SLC28A1: variants seen among roughly 807,000 people sequenced by gnomAD.
SLC28A1 encodes solute carrier family 28 member 1.
SLC28A1 carries 64 observed loss-of-function variants against 74.8 expected under a neutral mutation model. That is an observed-to-expected ratio of 0.86 (90% CI 0.70 to 1.05). The LOEUF is 1.05. Among genes scored for constraint, SLC28A1 ranks in the 50% least tolerant of loss-of-function variants. The pLI, the probability that SLC28A1 is intolerant of heterozygous loss-of-function variation, is 0.00. For synonymous variants in SLC28A1, 359 were observed against 335.0 expected, an observed-to-expected ratio of 1.07 and a Z score of -0.78; for missense variants, 828 against 822.8, an observed-to-expected ratio of 1.01 and a Z score of -0.08.
intron 9 of SLC28A1, among the ~76,000 whole-genome samples, chr15:84,911,705 A>G (rs12912875): frequency 0.34 from 50,838 of 151,616 alleles, 8,758 homozygotes; most frequent in East Asian, 0.47. Flanking sequence ...CTAAAAATAC[A>G]AAAATTAGCC....
the SLC28A1 span, among the ~76,000 whole-genome samples, chr15:84,958,113 C>T: frequency 6.6e-6 from 1 of 152,062 alleles, no homozygotes; most frequent in East Asian, 1.9e-4. Flanking sequence ...TTGGATTGCC[C>T]ATTGTAGAAA....
intron 3 of SLC28A1, 67 bp from the exon 4 acceptor site, chr15:84,888,705 C>A: frequency 8.6e-7 from 1 of 1,163,258 alleles, no homozygotes; most frequent in Non-Finnish European, 1.3e-6. Context: ...GGCCCCCGAC[C>A]CCCAGCTGTA....
At chr15:84,921,565 C>A (rs1366876808) in intron 11 of SLC28A1, among the ~76,000 whole-genome samples, 1 of 152,182 alleles carries the variant, frequency 6.6e-6, no homozygotes, top group Non-Finnish European at 1.5e-5. Flanking sequence ...TTTCAGAAAG[C>A]CTGATCCCCC....
rs377349117 is a variant in SLC28A1 at position 84,933,147 on chromosome 15, C to T, written c.1086C>T (p.Ile362=). 14 of 1,613,068 alleles carry T rather than the reference C, an allele frequency of 8.7e-6. No individual in the cohort carries two copies. Among genetic ancestry groups the T allele is most frequent in the South Asian group, 4.4e-5 (4 of 90,934 alleles). The part of the protein sequence containing the change: ...SLLGAYISFG[I]DATSLIAASV... The stretch of plus-strand genomic sequence containing the variant: ...AACCTGCACTCTCACTCTTGCAGAT[C>T]GATGCCACCTCGTTGATTGCAGCCT... Residue 362 remains isoleucine, a splice_region_variant and synonymous_variant, in exon 13 of 19, where the codon ATC becomes ATT. Transcript: ENST00000394573.
rs143965524 is a variant in SLC28A1, at chr15:84,909,849, C to T, written c.795+1054C>T. On this transcript the variant is annotated intron_variant, in intron 9 of 18. Transcript: ENST00000394573. ...ACCATGGAGCTGCTATGCAAGACCCCATGTGCAGGTTCCAGAGGTTTCTTC... is the reference window on the plus strand; with the variant it reads ...ACCATGGAGCTGCTATGCAAGACCCTATGTGCAGGTTCCAGAGGTTTCTTC... Among the ~76,000 whole-genome samples the T allele has an allele frequency of 1.4e-4, 22 of 152,372 alleles. No individual in the cohort carries two copies. In the East Asian group the frequency reaches 3.5e-3, roughly 24 times the overall value.
rs1239327723 is a variant in SLC28A1, at chr15:84,944,460, T to C, written c.1664-106T>C. 1.2e-5 allele frequency: 9 copies of C among 771,830 alleles called. No individual in the cohort carries two copies. The Middle Eastern group carries it at 1.4e-3, about 120-fold the overall frequency. The allele number at this position is 771,830 out of a possible 1,614,324, so 47.8% of individuals were successfully genotyped here. A position where few individuals can be genotyped will look rare whatever the true frequency, so the allele number is the denominator to read the frequency against. On this transcript the variant is annotated intron_variant, in intron 16 of 18. Coordinates refer to ENST00000394573, the MANE Select transcript of SLC28A1 (RefSeq NM_004213.5). ...GACAACATCTGTCCCTCTGGCCATC[T>C]ATTAATAGAAGAGGAAGGGAGGTCA...
intron 13 of SLC28A1, among the ~76,000 whole-genome samples, chr15:84,933,970 G>A (rs555884998): frequency 3.3e-5 from 5 of 152,176 alleles, no homozygotes; most frequent in Admixed American, 2.0e-4. Flanking sequence ...GCGAAACTCC[G>A]TCTCAAAAAC....
intron 13 of SLC28A1, 140 bp downstream of exon 13, chr15:84,933,415 C>A: frequency 9.8e-7 from 1 of 1,021,072 alleles, no homozygotes; most frequent in South Asian, 1.4e-5. Flanking sequence ...CTGGTTTGGG[C>A]TTCATTTGCT....
chr15:84,963,922 C>G, the SLC28A1 span, among the ~76,000 whole-genome samples: 3 of 152,174 alleles, frequency 2.0e-5, no homozygotes, highest in African/African-American at 7.2e-5. Flanking sequence ...AGGAGTTGCA[C>G]TCTCCTTCCT....
At chr15:84,909,671 C>T (rs1369465497) in intron 9 of SLC28A1, among the ~76,000 whole-genome samples, 1 of 152,214 alleles carries the variant, frequency 6.6e-6, no homozygotes, top group African/African-American at 2.4e-5. Context: ...CTGTCTAAGA[C>T]CAGCTTGCTC....
At chr15:84,931,736 G>C (rs936283091) in intron 12 of SLC28A1, among the ~76,000 whole-genome samples, 13 of 148,282 alleles carry the variant, frequency 8.8e-5, no homozygotes, top group African/African-American at 3.2e-4. Flanking sequence ...GGGGATGGTG[G>C]CTCATGCCTG....
At chr15:84,902,434 C>T (rs1355877808) in intron 6 of SLC28A1, among the ~76,000 whole-genome samples, 2 of 150,926 alleles carry the variant, frequency 1.3e-5, no homozygotes, top group African/African-American at 4.9e-5. Flanking sequence ...GAGCCGAGAT[C>T]GTGCCACTGC....
chr15:84,924,238 G>A (rs1970211677), intron 12 of SLC28A1, 128 bp downstream of exon 12: 3 of 1,171,790 alleles, frequency 2.6e-6, no homozygotes, highest in African/African-American at 1.5e-5. Flanking sequence ...GCTGGCAAGA[G>A]GAGTGGCTTC....
At chr15:84,950,709 A>G (rs1393482825), downstream of SLC28A1, among the ~76,000 whole-genome samples, 1 of 152,124 alleles carries the variant, frequency 6.6e-6, no homozygotes, top group African/African-American at 2.4e-5. Flanking sequence ...GTCTTAAAAG[A>G]AAAAGAAAAA....
intron 3 of SLC28A1, among the ~76,000 whole-genome samples, chr15:84,888,285 G>A (rs895037722): frequency 3.3e-5 from 5 of 152,062 alleles, no homozygotes; most frequent in Admixed American, 2.0e-4. Flanking sequence ...CCCAGAACTC[G>A]GAGCCTGGTA....
intron 8 of SLC28A1, 68 bp from the exon 9 acceptor site, chr15:84,908,650 G>T: frequency 7.3e-7 from 1 of 1,368,960 alleles, no homozygotes; most frequent in Non-Finnish European, 1.0e-6. Context: ...GTCTCTGGCC[G>T]CTGCTTCCTC....
intron 5 of SLC28A1, among the ~76,000 whole-genome samples, chr15:84,891,275 G>A (rs537994607): frequency 6.6e-6 from 1 of 152,286 alleles, no homozygotes; most frequent in South Asian, 2.1e-4. Context: ...CAATGGGAGA[G>A]GTCCTTGGGA....
intron 9 of SLC28A1, among the ~76,000 whole-genome samples, chr15:84,917,143 G>T (rs2092321819): frequency 6.6e-6 from 1 of 151,948 alleles, no homozygotes; most frequent in Non-Finnish European, 1.5e-5. Context: ...TTGGCTATTT[G>T]GGAGTGCTTC....
chr15:84,936,882 G>A (rs1376300059), intron 15 of SLC28A1, among the ~76,000 whole-genome samples: 1 of 152,018 alleles, frequency 6.6e-6, no homozygotes, highest in East Asian at 1.9e-4. Context: ...ATGAGCCCCT[G>A]TCTTTACTAA....
Sources: gnomAD v4.1 joint callset for allele counts (sites outside exome capture counted in the v4.1 genomes callset) on GRCh38, gnomAD v4.1.1 for gene constraint, MANE v1.5 for transcripts, NCBI Gene and HGNC (gene_info 2026-07-23, HGNC 2026-07-21) for gene names.